The following SCFD2 variants were observed in gnomAD, a reference collection of about 807,000 sequenced individuals.
SCFD2 encodes sec1 family domain-containing protein 2.
In SCFD2, 54 loss-of-function variants were observed where a neutral mutation model predicts 58.9. That is an observed-to-expected ratio of 0.92 (90% CI 0.74 to 1.15). The LOEUF (loss-of-function observed/expected upper bound fraction) is 1.15, where lower values mean the gene tolerates loss of function less well. Among genes scored for constraint, SCFD2 ranks in the 50% most tolerant of loss-of-function variants. The pLI, the probability that SCFD2 is intolerant of heterozygous loss-of-function variation, is 0.00. For synonymous variants in SCFD2, 321 were observed against 335.9 expected (o/e 0.96, Z 0.49); for missense variants, 805 against 836.6 (o/e 0.96, Z 0.47).
intron 5 of SCFD2, among the ~76,000 whole-genome samples, chr4:53,085,639 G>T (rs148396501): frequency 1.3e-5 from 2 of 152,114 alleles, no homozygotes; most frequent in Non-Finnish European, 2.9e-5. Context: ...AAATTATATT[G>T]CAGAGCTATA....
At chr4:53,235,836 T>C (rs1284412243) in intron 4 of SCFD2, among the ~76,000 whole-genome samples, 1 of 152,044 alleles carries the variant, frequency 6.6e-6, no homozygotes, top group African/African-American at 2.4e-5. Context: ...TATGTGTGTA[T>C]AAGGACAAAA....
chr4:52,926,328 C>T (rs1719862302), intron 5 of SCFD2, among the ~76,000 whole-genome samples: 1 of 152,018 alleles, frequency 6.6e-6, no homozygotes, highest in Non-Finnish European at 1.5e-5. Context: ...AAGGGTGCTT[C>T]AGTCTGGATT....
chr4:53,150,100 T>C (rs1726461805), intron 4 of SCFD2, among the ~76,000 whole-genome samples: 1 of 152,138 alleles, frequency 6.6e-6, no homozygotes, highest in African/African-American at 2.4e-5. Flanking sequence ...ATTCTAACAA[T>C]AAAGAGTATA....
intron 4 of SCFD2, among the ~76,000 whole-genome samples, chr4:53,237,492 C>G (rs1277940856): frequency 1.2e-4 from 1 of 8,044 alleles, no homozygotes; most frequent in Non-Finnish European, 2.8e-4. Flanking sequence ...ACCTCCCTCC[C>G]GGACGGGCGG....
chr4:53,276,525 G>A (rs1731333441), intron 3 of SCFD2, among the ~76,000 whole-genome samples: 1 of 151,958 alleles, frequency 6.6e-6, no homozygotes, highest in Admixed American at 6.5e-5. Flanking sequence ...GTAAACTCGT[G>A]TCATGGGGAT....
intron 5 of SCFD2, among the ~76,000 whole-genome samples, chr4:53,104,372 C>T (rs1380886581): frequency 6.6e-6 from 1 of 152,096 alleles, no homozygotes. Flanking sequence ...TAAGAGCATA[C>T]AAAATGCTAA....
intron 5 of SCFD2, among the ~76,000 whole-genome samples, chr4:53,143,087 A>G (rs1726218387): frequency 6.6e-6 from 1 of 152,256 alleles, no homozygotes; most frequent in African/African-American, 2.4e-5. Flanking sequence ...GTATTTTAAA[A>G]GCAAGAACAT....
At position 53,112,003 on chromosome 4, in the gene SCFD2, A is replaced by G. The variant is rs1725186093; in HGVS notation, c.1561+33330T>C. ...CAAAGATAAATGTGCTAAAAACAAC[A>G]ACAACAACAAATGAAGATCATTTAG... On this transcript the variant is annotated intron_variant, in intron 5 of 8. Coordinates refer to ENST00000401642, the MANE Select transcript of SCFD2 (RefSeq NM_152540.4). Among the ~76,000 whole-genome samples, 5 of 152,134 alleles carry G rather than the reference A, an allele frequency of 3.3e-5. No individual in the cohort carries two copies. The South Asian group carries it at 1.0e-3, about 31-fold the overall frequency.
chr4:53,059,670 G>T (rs116209704), intron 5 of SCFD2, among the ~76,000 whole-genome samples: 1 of 150,354 alleles, frequency 6.7e-6, no homozygotes, highest in African/African-American at 2.5e-5. Flanking sequence ...CTCTTCTTCC[G>T]TATAGCCAAC....
intron 4 of SCFD2, among the ~76,000 whole-genome samples, chr4:53,229,368 C>T (rs1375905757): frequency 6.6e-6 from 1 of 152,202 alleles, no homozygotes; most frequent in Admixed American, 6.5e-5. Flanking sequence ...TGACTTCAAA[C>T]TATACTACAA....
At chr4:53,075,023 T>C (rs758320356) in intron 5 of SCFD2, among the ~76,000 whole-genome samples, 37 of 152,214 alleles carry the variant, frequency 2.4e-4, no homozygotes, top group South Asian at 6.2e-4. Flanking sequence ...CTTCTTCCAA[T>C]AGAAAGCTGT....
intron 5 of SCFD2, among the ~76,000 whole-genome samples, chr4:53,115,639 A>G (rs1725298121): frequency 6.6e-6 from 1 of 152,204 alleles, no homozygotes; most frequent in African/African-American, 2.4e-5. Context: ...AAAGGTAGTC[A>G]CATTTGTATT....
At chr4:52,901,619 T>A (rs1172133634) in intron 7 of SCFD2, among the ~76,000 whole-genome samples, 1 of 152,172 alleles carries the variant, frequency 6.6e-6, no homozygotes, top group Admixed American at 6.5e-5. Flanking sequence ...AATCCTTCCC[T>A]ACTGAGCTCT....
chr4:52,980,231 T>C (rs1312718213), intron 5 of SCFD2, among the ~76,000 whole-genome samples: 1 of 152,212 alleles, frequency 6.6e-6, no homozygotes, highest in East Asian at 1.9e-4. Context: ...CCATGCACAA[T>C]GCTACCCAAG....
chr4:53,207,032 C>G (rs1728425835), intron 4 of SCFD2, among the ~76,000 whole-genome samples: 1 of 151,930 alleles, frequency 6.6e-6, no homozygotes, highest in Admixed American at 6.6e-5. Flanking sequence ...AACATGGTGG[C>G]AGGTATGGCA....
intron 4 of SCFD2, among the ~76,000 whole-genome samples, chr4:53,199,888 GC>G (rs1354983460): frequency 6.6e-6 from 1 of 152,010 alleles, no homozygotes; most frequent in African/African-American, 2.4e-5. Flanking sequence ...CTTGCAGATG[GC>G]TTTTTTCATG....
At chr4:53,183,076 T>C (rs1003681858) in intron 4 of SCFD2, among the ~76,000 whole-genome samples, 5 of 152,180 alleles carry the variant, frequency 3.3e-5, no homozygotes, top group Non-Finnish European at 5.9e-5. Context: ...AGTTCAGCCA[T>C]TGTGGAAGTC....
chr4:52,921,170 C>G (rs1047781646), intron 5 of SCFD2, among the ~76,000 whole-genome samples: 1 of 152,116 alleles, frequency 6.6e-6, no homozygotes, highest in African/African-American at 2.4e-5. Context: ...AAAGCAAGCT[C>G]CTAGGGCCCA....
intron 4 of SCFD2, among the ~76,000 whole-genome samples, chr4:53,209,128 G>C (rs918093337): frequency 6.6e-6 from 1 of 152,100 alleles, no homozygotes; most frequent in African/African-American, 2.4e-5. Flanking sequence ...TCCTATGGAG[G>C]TTACATGATA....
Sources: allele counts gnomAD v4.1 joint callset (sites outside exome capture counted in the v4.1 genomes callset), GRCh38; gene constraint gnomAD v4.1.1; transcripts MANE v1.5; gene names NCBI Gene and HGNC (gene_info 2026-07-23, HGNC 2026-07-21).